The following SMYD3 variants were observed in gnomAD, a reference collection of about 807,000 sequenced individuals.
SMYD3 encodes the protein SET and MYND domain containing 3, also known as histone-lysine N-methyltransferase SMYD3.
Under a neutral mutation model 57.7 loss-of-function variants are expected in SMYD3, and 36 were observed. That is an observed-to-expected ratio of 0.62 (90% confidence interval 0.48 to 0.82). The LOEUF (loss-of-function observed/expected upper bound fraction) is 0.82. Among genes scored for constraint, SMYD3 ranks in the 40% least tolerant of loss-of-function variants. SMYD3 has a pLI of 0.00. For missense variants in SMYD3, 515 were observed against 538.8 expected (o/e 0.96, Z 0.44); for synonymous variants, 211 against 195.0 (o/e 1.08, Z -0.68).
chr1:246,286,242 A>G (rs1197445628), intron 5 of SMYD3, among the ~76,000 whole-genome samples: 1 of 152,116 alleles, frequency 6.6e-6, no homozygotes, highest in African/African-American at 2.4e-5. Flanking sequence ...TAATAACAAA[A>G]CCTTGCTTTG....
In SMYD3 at chr1:246,390,177, G is replaced by GCACTCCA. The variant is rs550390564; in HGVS notation, c.165-35090_165-35084dup. Among the ~76,000 whole-genome samples, 698 of 118,800 alleles carry GCACTCCA rather than the reference G, an allele frequency of 5.9e-3. 2 individuals carry two copies. Among genetic ancestry groups the GCACTCCA allele is most frequent in the South Asian group, 0.039 (138 of 3,498 alleles). 77.9% of individuals were successfully genotyped at this position (118,800 alleles called of 152,430 possible). ...TACAGTGAGCTATGATCATGCCACT[G>GCACTCCA]CACTCCAGCCTGGGTGACAGAGCAA... is the stretch of plus-strand genomic sequence containing the variant. On this transcript the variant is annotated intron_variant, in intron 1 of 11. Transcript: ENST00000490107.
At chr1:246,308,985 A>G (rs1043776690) in intron 5 of SMYD3, among the ~76,000 whole-genome samples, 7 of 152,178 alleles carry the variant, frequency 4.6e-5, no homozygotes, top group African/African-American at 1.7e-4. Context: ...CATCTAAAAA[A>G]TGAAAATTAC....
chr1:245,842,666 ACTCAT>A, intron 10 of SMYD3, among the ~76,000 whole-genome samples: 1 of 152,202 alleles, frequency 6.6e-6, no homozygotes, highest in East Asian at 1.9e-4. Flanking sequence ...TATTCTATTC[ACTCAT>A]CTCCACTGGT....
intron 10 of SMYD3, among the ~76,000 whole-genome samples, chr1:245,852,515 T>C (rs1333556320): frequency 2.0e-5 from 3 of 152,224 alleles, no homozygotes; most frequent in African/African-American, 7.2e-5. Context: ...AAATCGGTCA[T>C]AATGTTCTCC....
At chr1:246,064,156 C>G (rs551490083) in intron 5 of SMYD3, among the ~76,000 whole-genome samples, 1 of 152,304 alleles carries the variant, frequency 6.6e-6, no homozygotes, top group South Asian at 2.1e-4. Context: ...TCTGTTCTCT[C>G]TTGCTCGCAT....
intron 5 of SMYD3, among the ~76,000 whole-genome samples, chr1:246,197,770 T>C (rs1432506832): frequency 6.6e-6 from 1 of 152,142 alleles, no homozygotes; most frequent in African/African-American, 2.4e-5. Context: ...TAATGCACCA[T>C]ACTAATATAA....
Position 245,869,410 on chromosome 1 carries a change from A to G in SMYD3, c.814-5524T>C, listed in dbSNP as rs75496271. On this transcript the variant is annotated intron_variant, in intron 8 of 11. Transcript: ENST00000490107. ...CCTTTTCCTGGCCCTCACCTTCCTC[A>G]CCTGCAGAAGGAGCAGCTAGTCTGG... Among the ~76,000 whole-genome samples, 1,470 of 152,106 alleles carry G rather than the reference A, an allele frequency of 9.7e-3. 22 individuals carry two copies. The highest frequency in any genetic ancestry group is 0.034 in the African/African-American group (1,397 of 41,466).
At chr1:245,946,313 C>G (rs981087786) in intron 5 of SMYD3, among the ~76,000 whole-genome samples, 1 of 152,148 alleles carries the variant, frequency 6.6e-6, no homozygotes, top group Non-Finnish European at 1.5e-5. Flanking sequence ...TCTCCTCCAC[C>G]ACCTTCCTCC....
intron 5 of SMYD3, among the ~76,000 whole-genome samples, chr1:246,255,614 G>A (rs6686262): frequency 2.0e-5 from 3 of 151,802 alleles, no homozygotes; most frequent in African/African-American, 7.3e-5. Flanking sequence ...TTATACTCAT[G>A]AGGGATATTG....
chr1:246,226,130 C>T (rs116300350), intron 5 of SMYD3, among the ~76,000 whole-genome samples: 3 of 152,224 alleles, frequency 2.0e-5, no homozygotes, highest in African/African-American at 4.8e-5. Flanking sequence ...TCTATAAACC[C>T]GAACTCAAAG....
chr1:245,786,174 C>A (rs1047630927), intron 10 of SMYD3, among the ~76,000 whole-genome samples: 1 of 112,594 alleles, frequency 8.9e-6, no homozygotes, highest in Non-Finnish European at 1.6e-5. Context: ...GAGAACAAAG[C>A]TTTGTAAGGA....
At chr1:246,457,552 AAGAAAAG>A (rs1558473766) in intron 1 of SMYD3, among the ~76,000 whole-genome samples, 7 of 96,286 alleles carry the variant, frequency 7.3e-5, no homozygotes, top group East Asian at 4.0e-4. Context: ...AAAAAAAGAA[AAGAAAAG>A]AAAAGAAAAG....
intron 3 of SMYD3, among the ~76,000 whole-genome samples, chr1:246,334,979 T>G (rs1256376855): frequency 6.6e-6 from 1 of 152,146 alleles, no homozygotes. Context: ...TTGTCTTATT[T>G]TAAGAAATTG....
chr1:246,365,765 A>G lies in SMYD3; in HGVS notation c.165-10671T>C, dbSNP rs192228971. Among the ~76,000 whole-genome samples, 12 of 152,324 alleles carry G rather than the reference A, an allele frequency of 7.9e-5. No individual in the cohort carries two copies. In the East Asian group the frequency reaches 1.9e-3, roughly 24 times the overall value. The stretch of plus-strand genomic sequence containing the variant: ...TTAAATCAGTATCTTTATTGTAGGA[A>G]ACAAGGCAACTTAACTTCCAACAGA... On this transcript the variant is annotated intron_variant, in intron 1 of 11. Transcript: ENST00000490107.
intron 1 of SMYD3, among the ~76,000 whole-genome samples, chr1:246,416,554 TAAAA>T (rs35559952): frequency 2.2e-5 from 3 of 139,300 alleles, no homozygotes; most frequent in Admixed American, 7.2e-5. Context: ...CTGGGAAAAG[TAAAA>T]AAAAAAAAAA....
At chr1:246,403,642 G>A (rs1371950066) in intron 1 of SMYD3, among the ~76,000 whole-genome samples, 2 of 152,148 alleles carry the variant, frequency 1.3e-5, no homozygotes, top group African/African-American at 4.8e-5. Flanking sequence ...CATTTAACTA[G>A]GAAATAACCC....
chr1:246,470,520 AAT>A lies in SMYD3; in HGVS notation c.164+36532_164+36533del, dbSNP rs1026535042. 2.8e-3 allele frequency among the ~76,000 whole-genome samples: 400 copies of A among 141,770 alleles called. 1 individual carries two copies. Among genetic ancestry groups the A allele is most frequent in the African/African-American group, 1.0e-2 (364 of 36,482 alleles). The allele number at this position is 141,770 out of a possible 152,430, so 93.0% of individuals were successfully genotyped here. On this transcript the variant is annotated intron_variant, in intron 1 of 11. Coordinates refer to ENST00000490107, the MANE Select transcript of SMYD3 (RefSeq NM_001167740.2). ...AAAATAAAAAAAAATTAAAAAAAAA[AAT>A]ATATATATATATAATATATACACAT...
At chr1:245,983,924 T>C (rs1231726579) in intron 5 of SMYD3, among the ~76,000 whole-genome samples, 1 of 151,942 alleles carries the variant, frequency 6.6e-6, no homozygotes, top group Non-Finnish European at 1.5e-5. Context: ...AATCATATTA[T>C]AGGTCAATTA....
intron 5 of SMYD3, among the ~76,000 whole-genome samples, chr1:246,310,775 T>C (rs1409492107): frequency 2.0e-4 from 30 of 149,428 alleles, no homozygotes; most frequent in Non-Finnish European, 4.5e-5. Flanking sequence ...GTTCAAGCAA[T>C]TCTCCTGTCT....
Sources: allele counts gnomAD v4.1 joint callset (sites outside exome capture counted in the v4.1 genomes callset), GRCh38; gene constraint gnomAD v4.1.1; transcripts MANE v1.5; gene names NCBI Gene and HGNC (gene_info 2026-07-23, HGNC 2026-07-21).